Variants in GRM8 observed in about 807,000 individuals in gnomAD.
The protein encoded by GRM8 is metabotropic glutamate receptor 8.
GRM8 carries 47 observed loss-of-function variants against 87.2 expected under a neutral mutation model. The ratio of observed to expected loss-of-function variants is 0.54; its 90% CI spans 0.43 to 0.69. The LOEUF is 0.69. Ranked by LOEUF, GRM8 falls within the 30% of genes least tolerant of loss-of-function variation. GRM8 has a pLI of 0.00. For synonymous variants in GRM8, 396 were observed against 404.5 expected (o/e 0.98, Z 0.25); for missense variants, 1,019 against 1,139.2 (o/e 0.89, Z 1.52).
intron 9 of GRM8, among the ~76,000 whole-genome samples, chr7:126,466,218 A>G (rs1804488504): frequency 6.6e-6 from 1 of 151,786 alleles, no homozygotes. Flanking sequence ...TGGTTCCATT[A>G]TAAAGAGGGT....
intron 3 of GRM8, among the ~76,000 whole-genome samples, chr7:126,986,528 CA>C (rs1390109190): frequency 1.3e-5 from 2 of 152,118 alleles, no homozygotes; most frequent in Non-Finnish European, 2.9e-5. Flanking sequence ...TTTCTGTTAT[CA>C]TAAATGTAGT....
intron 3 of GRM8, among the ~76,000 whole-genome samples, chr7:127,020,477 C>T (rs994690636): frequency 1.3e-5 from 2 of 152,084 alleles, no homozygotes; most frequent in Admixed American, 6.6e-5. Context: ...CCAAGCATCA[C>T]CTCCCTGATG....
chr7:126,879,288 C>T (rs1390050552), intron 6 of GRM8, among the ~76,000 whole-genome samples: 1 of 151,826 alleles, frequency 6.6e-6, no homozygotes, highest in East Asian at 1.9e-4. Context: ...TTTAAATAGC[C>T]ACATATTTCA....
intron 2 of GRM8, among the ~76,000 whole-genome samples, chr7:127,233,566 G>A (rs893834579): frequency 2.0e-5 from 3 of 152,188 alleles, no homozygotes; most frequent in African/African-American, 7.2e-5. Context: ...GAGGAAGCAA[G>A]AGTAAGACAC....
intron 8 of GRM8, among the ~76,000 whole-genome samples, chr7:126,598,659 T>A (rs1332557471): frequency 6.7e-6 from 1 of 148,410 alleles, no homozygotes; most frequent in Non-Finnish European, 1.5e-5. Context: ...ATCAGAAAAT[T>A]AAGTAAAATA....
intron 9 of GRM8, among the ~76,000 whole-genome samples, chr7:126,485,976 C>T (rs997211261): frequency 1.3e-5 from 2 of 151,996 alleles, no homozygotes; most frequent in South Asian, 4.1e-4. Context: ...AGCATTAAGT[C>T]ACGTACCTCT....
chr7:126,527,682 T>C (rs1814076417), intron 9 of GRM8, among the ~76,000 whole-genome samples: 1 of 152,248 alleles, frequency 6.6e-6, no homozygotes, highest in African/African-American at 2.4e-5. Context: ...ACCTCTCGAA[T>C]ATTAGAATTA....
intron 9 of GRM8, among the ~76,000 whole-genome samples, chr7:126,472,081 T>A (rs1400797351): frequency 2.0e-5 from 3 of 152,114 alleles, no homozygotes; most frequent in African/African-American, 7.2e-5. Context: ...CTTAAGGAGA[T>A]TTTGGGCTGA....
chr7:126,482,859 T>G (rs1440880783), intron 9 of GRM8, among the ~76,000 whole-genome samples: 1 of 151,864 alleles, frequency 6.6e-6, no homozygotes, highest in Non-Finnish European at 1.5e-5. Flanking sequence ...GGGAAAAACA[T>G]GACCATGGGC....
rs752892635 is a variant in GRM8, at chr7:126,533,655, T to C, written c.1727A>G (p.Lys576Arg). 2.4e-5 allele frequency: 38 copies of C among 1,613,860 alleles called. No individual in the cohort carries two copies. The highest frequency in any genetic ancestry group is 2.3e-4 in the South Asian group (21 of 91,082). ...RTGCQLIPII[K>R]LEWHSPWAVV... is the part of the protein sequence containing the mutation. ...AGCCCAGGGAGAATGCCACTCCAAT[T>C]TGATGATGGGGATAAGCTGGCAGCC... is the stretch of plus-strand genomic sequence containing the variant. Residue 576 changes from lysine to arginine, a missense_variant, in exon 9 of 11, where the codon AAA (lysine) becomes AGA (arginine). Lys to Arg is a conservative substitution (Grantham distance 26). Coordinates refer to ENST00000339582, the MANE Select transcript of GRM8 (RefSeq NM_000845.3).
At chr7:126,593,200 T>G (rs1476857118) in intron 8 of GRM8, among the ~76,000 whole-genome samples, 1 of 152,014 alleles carries the variant, frequency 6.6e-6, no homozygotes, top group Non-Finnish European at 1.5e-5. Flanking sequence ...CAATCTACAA[T>G]TCAATGCAAT....
At chr7:126,787,543 T>C (rs565157835) in intron 6 of GRM8, among the ~76,000 whole-genome samples, 1 of 152,300 alleles carries the variant, frequency 6.6e-6, no homozygotes, top group South Asian at 2.1e-4. Flanking sequence ...ATAAAATACA[T>C]GTGAAAAATA....
intron 6 of GRM8, among the ~76,000 whole-genome samples, chr7:126,877,626 C>T (rs1799642244): frequency 6.6e-6 from 1 of 152,196 alleles, no homozygotes; most frequent in African/African-American, 2.4e-5. Context: ...GTCCACCAAC[C>T]ATATCTCTTC....
intron 3 of GRM8, among the ~76,000 whole-genome samples, chr7:126,990,533 C>A (rs897310566): frequency 2.0e-5 from 3 of 152,078 alleles, no homozygotes; most frequent in African/African-American, 4.8e-5. Context: ...GCAAACAATC[C>A]CCTGTTTTCA....
At chr7:126,693,241 ATTATTCC>A (rs1809016177) in intron 7 of GRM8, among the ~76,000 whole-genome samples, 2 of 152,220 alleles carry the variant, frequency 1.3e-5, no homozygotes, top group African/African-American at 2.4e-5. Context: ...TACTAACATT[ATTATTCC>A]TTTGTGATAC....
At chr7:126,568,525 C>G (rs909252892) in intron 8 of GRM8, among the ~76,000 whole-genome samples, 5 of 152,066 alleles carry the variant, frequency 3.3e-5, no homozygotes, top group African/African-American at 1.2e-4. Context: ...TGTCTCTCAC[C>G]TCTGCAGACT....
At position 126,533,456 on chromosome 7, in the gene GRM8, T is replaced by C. The variant is rs1451252196; in HGVS notation, c.1926A>G (p.Ala642=). Residue 642 remains alanine, a synonymous_variant, in exon 9 of 11, where the codon GCA becomes GCG. Transcript: ENST00000339582. ...GGAAGGAGCATATGATTGTATCTGG[T>C]GCTGCAATCATTAAAAACGTGATTG... ...CYSITFLMIA[A]PDTIICSFRR... The C allele has an allele frequency of 6.2e-7, 1 of 1,613,898 alleles. No homozygotes were observed. Among genetic ancestry groups the C allele is most frequent in the Non-Finnish European group, 8.5e-7 (1 of 1,179,852 alleles).
intron 3 of GRM8, among the ~76,000 whole-genome samples, chr7:127,028,639 C>A (rs1394172627): frequency 1.3e-5 from 2 of 152,128 alleles, no homozygotes; most frequent in African/African-American, 2.4e-5. Context: ...TTATAGTATT[C>A]TCTGATGATA....
intron 6 of GRM8, among the ~76,000 whole-genome samples, chr7:126,816,732 TTGTGTGTGTGTG>T (rs3038866): frequency 1.7e-4 from 25 of 145,936 alleles, no homozygotes; most frequent in African/African-American, 4.8e-4. Context: ...GTATATGATT[TTGTGTGTGTGTG>T]TGTGTGTGTG....
Sources: gnomAD v4.1 joint callset for allele counts (sites outside exome capture counted in the v4.1 genomes callset) on GRCh38, gnomAD v4.1.1 for gene constraint, MANE v1.5 for transcripts, NCBI Gene and HGNC (gene_info 2026-07-23, HGNC 2026-07-21) for gene names.